LRMDA: variants seen among roughly 807,000 people sequenced by gnomAD.
LRMDA encodes the protein leucine rich melanocyte differentiation associated, also known as leucine-rich melanocyte differentiation-associated protein.
A neutral mutation model predicts 29.8 loss-of-function variants in LRMDA; 18 were observed. The observed-to-expected ratio is 0.60, with a 90% confidence interval of 0.42 to 0.90. The LOEUF (loss-of-function observed/expected upper bound fraction) is 0.90, where lower values mean the gene tolerates loss of function less well. LRMDA is among the 40% of genes least tolerant of loss of function. The pLI, the probability that LRMDA is intolerant of heterozygous loss-of-function variation, is 0.00. For synonymous variants in LRMDA, 125 were observed against 109.4 expected, an observed-to-expected ratio of 1.14 and a Z score of -0.89; for missense variants, 273 against 273.9, an observed-to-expected ratio of 1.00 and a Z score of 0.02.
At chr10:75,802,712 G>A (rs10159952) in intron 2 of LRMDA, among the ~76,000 whole-genome samples, 6,854 of 151,992 alleles carry the variant, frequency 0.045, 418 homozygotes, top group African/African-American at 0.14. Context: ...TAATAAGTGC[G>A]TAGAAAGCAT....
intron 5 of LRMDA, among the ~76,000 whole-genome samples, chr10:76,322,459 G>C (rs1262448458): frequency 6.6e-6 from 1 of 152,184 alleles, no homozygotes; most frequent in Non-Finnish European, 1.5e-5. Context: ...CACTGAGCAG[G>C]AAAGTAATTA....
Position 76,036,120 on chromosome 10 carries a change from C to T in LRMDA, c.244C>T (p.Leu82Phe). The T allele has an allele frequency of 6.2e-7, 1 of 1,613,830 alleles. No homozygotes were observed. Among genetic ancestry groups the T allele is most frequent in the Non-Finnish European group, 8.5e-7 (1 of 1,179,960 alleles). ...GTTACCCAGACTGCATACCTTAACC[C>T]TCAACAAGAACCGAATATCCTTTCC... is the stretch of plus-strand genomic sequence containing the variant. ...PGLPRLHTLT[L>F]NKNRITDLEN... The change falls in exon 3 of 7, where the codon CTC (leucine) becomes TTC (phenylalanine). Residue 82 changes from leucine (L) to phenylalanine (F), a missense_variant. Coordinates refer to ENST00000611255, the MANE Select transcript of LRMDA (RefSeq NM_001305581.2).
intron 2 of LRMDA, among the ~76,000 whole-genome samples, chr10:75,713,102 C>T (rs957473292): frequency 3.9e-5 from 6 of 152,146 alleles, no homozygotes; most frequent in African/African-American, 1.4e-4. Flanking sequence ...TAGTGACTTT[C>T]TACCTTTACC....
intron 2 of LRMDA, among the ~76,000 whole-genome samples, chr10:75,628,683 C>G (rs9416091): frequency 0.49 from 75,266 of 152,066 alleles, 21,191 homozygotes; most frequent in Non-Finnish European, 0.63. Flanking sequence ...TGCTTGTGCT[C>G]CCTTCTGCAA....
At chr10:75,748,523 T>G (rs1039311700) in intron 2 of LRMDA, among the ~76,000 whole-genome samples, 1 of 152,218 alleles carries the variant, frequency 6.6e-6, no homozygotes, top group Non-Finnish European at 1.5e-5. Flanking sequence ...TTATAGAAAT[T>G]TCTACGTATT....
intron 5 of LRMDA, among the ~76,000 whole-genome samples, chr10:76,141,257 A>T (rs1225315698): frequency 1.3e-5 from 2 of 152,090 alleles, no homozygotes; most frequent in African/African-American, 2.4e-5. Context: ...ATGGGGGTCC[A>T]TTCCAACTAA....
At chr10:75,913,501 C>G (rs1441835914) in intron 2 of LRMDA, among the ~76,000 whole-genome samples, 3 of 152,182 alleles carry the variant, frequency 2.0e-5, no homozygotes, top group African/African-American at 7.2e-5. Context: ...TTTCTTTTGA[C>G]TTTAAACGAA....
intron 1 of LRMDA, among the ~76,000 whole-genome samples, chr10:75,434,554 C>T (rs1233854771): frequency 6.6e-6 from 1 of 152,206 alleles, no homozygotes; most frequent in East Asian, 1.9e-4. Flanking sequence ...ATGGTTGTTT[C>T]TACTCCGACA....
intron 2 of LRMDA, among the ~76,000 whole-genome samples, chr10:75,638,693 G>A (rs575205993): frequency 1.3e-5 from 2 of 152,142 alleles, no homozygotes; most frequent in African/African-American, 2.4e-5. Context: ...GTTTACAGTC[G>A]TAAGACAAGG....
At chr10:75,850,819 T>G (rs10047321) in intron 2 of LRMDA, among the ~76,000 whole-genome samples, 5,545 of 152,158 alleles carry the variant, frequency 0.036, 255 homozygotes, top group African/African-American at 0.11. Context: ...AAGCTGAAAC[T>G]TGAAAGACAA....
In LRMDA at chr10:76,451,305, C is replaced by A. The variant is rs143180410; in HGVS notation, c.602-105904C>A. Among the ~76,000 whole-genome samples the A allele has an allele frequency of 8.6e-3, 1,307 of 151,830 alleles. 15 individuals carry two copies. Among genetic ancestry groups the A allele is most frequent in the African/African-American group, 0.03 (1,252 of 41,422 alleles). On this transcript the variant is annotated intron_variant, in intron 6 of 6. Coordinates refer to ENST00000611255, the MANE Select transcript of LRMDA (RefSeq NM_001305581.2). The stretch of plus-strand genomic sequence containing the variant: ...CAAGCTCTGCCTCCCAGGTTCATGC[C>A]ATTCTCCTGCCTAAGCCTCCCAAGT...
intron 6 of LRMDA, among the ~76,000 whole-genome samples, chr10:76,358,402 A>G (rs1219606147): frequency 2.0e-5 from 3 of 152,208 alleles, no homozygotes; most frequent in African/African-American, 7.2e-5. Flanking sequence ...ACTGGTGTCA[A>G]ATTATGCACA....
rs1841315994 is a variant in LRMDA, at chr10:75,631,111, ACTT to A, written c.131+192624_131+192626del. ...CCTTTACCTTGTGACTTTCCTGCTG[ACTT>A]CTTCTTAGGAAGGAAATTTCTAGCT... On this transcript the variant is annotated intron_variant, in intron 2 of 6. Coordinates refer to ENST00000611255, the MANE Select transcript of LRMDA (RefSeq NM_001305581.2). 3.3e-5 allele frequency among the ~76,000 whole-genome samples: 5 copies of A among 152,076 alleles called. 1 individual carries two copies. In the South Asian group the frequency reaches 8.3e-4, roughly 25 times the overall value.
At chr10:75,493,819 T>G (rs1386233904) in intron 2 of LRMDA, among the ~76,000 whole-genome samples, 2 of 152,120 alleles carry the variant, frequency 1.3e-5, no homozygotes, top group Non-Finnish European at 2.9e-5. Flanking sequence ...AGTCACAGTT[T>G]CCTATTTCTT....
chr10:76,528,822 T>C (rs1281076849), intron 6 of LRMDA, among the ~76,000 whole-genome samples: 1 of 152,156 alleles, frequency 6.6e-6, no homozygotes, highest in South Asian at 2.1e-4. Context: ...ACAGACTGGC[T>C]CCCATCCTCA....
chr10:75,928,042 A>ACAT (rs3042520), intron 2 of LRMDA, among the ~76,000 whole-genome samples: 6,301 of 150,810 alleles, frequency 0.042, 222 homozygotes, highest in African/African-American at 0.094. Flanking sequence ...TTTTAGTTTA[A>ACAT]CATCATCATC....
intron 6 of LRMDA, among the ~76,000 whole-genome samples, chr10:76,483,248 T>A (rs1164170530): frequency 1.3e-5 from 2 of 151,952 alleles, no homozygotes; most frequent in Non-Finnish European, 2.9e-5. Context: ...ATGATGAGTG[T>A]TTTTAATTAT....
chr10:76,072,873 G>A (rs1009549843), intron 5 of LRMDA, among the ~76,000 whole-genome samples: 12 of 152,246 alleles, frequency 7.9e-5, no homozygotes, highest in Non-Finnish European at 1.5e-4. Context: ...GTGTGTGAAT[G>A]CATCTGCAGA....
intron 6 of LRMDA, among the ~76,000 whole-genome samples, chr10:76,402,583 G>T (rs918381904): frequency 6.6e-6 from 1 of 151,890 alleles, no homozygotes; most frequent in Admixed American, 6.6e-5. Flanking sequence ...CCAACTTCTG[G>T]CCCCAGGCAA....
Sources: gnomAD v4.1 joint callset for allele counts (sites outside exome capture counted in the v4.1 genomes callset) on GRCh38, gnomAD v4.1.1 for gene constraint, MANE v1.5 for transcripts, NCBI Gene and HGNC (gene_info 2026-07-23, HGNC 2026-07-21) for gene names.